Variants in GLRA2 observed in about 807,000 individuals in gnomAD.
GLRA2 encodes glycine receptor subunit alpha-2.
Under a neutral mutation model 31.6 loss-of-function variants are expected in GLRA2, and 11 were observed. The ratio of observed to expected loss-of-function variants is 0.35; its 90% CI spans 0.22 to 0.58. The LOEUF (loss-of-function observed/expected upper bound fraction) is 0.58. Among genes scored for constraint, GLRA2 ranks in the 20% least tolerant of loss-of-function variants. GLRA2 has a pLI of 0.84. For synonymous variants in GLRA2, 132 were observed against 134.0 expected (o/e 0.99, Z 0.10); for missense variants, 212 against 351.8 (o/e 0.60, Z 3.18).
chrX:14,611,478 T>C (rs1350898027), intron 7 of GLRA2, among the ~76,000 whole-genome samples: 2 of 113,152 alleles, frequency 1.8e-5, no homozygotes, highest in Admixed American at 9.3e-5. Flanking sequence ...ACACAGAAAA[T>C]TGAGGTCAAA....
rs772030005 is a variant in GLRA2 at position 14,610,916 on chromosome X, A to G, written c.930+1711A>G. Among the ~76,000 whole-genome samples the G allele has an allele frequency of 2.0e-4, 23 of 112,447 alleles. 1 individual carries two copies. Among genetic ancestry groups the G allele is most frequent in the Non-Finnish European group, 3.6e-4 (19 of 53,213 alleles). On this transcript the variant is annotated intron_variant, in intron 7 of 8. Coordinates refer to ENST00000218075, the MANE Select transcript of GLRA2 (RefSeq NM_002063.4). ...ATGTTCACTGATCAGGGATCTTTGT[A>G]TGTAAAGGCAATGAGGAACTCAGAT... is the stretch of plus-strand genomic sequence containing the variant.
chrX:14,497,545 T>G, the GLRA2 span, among the ~76,000 whole-genome samples: 1 of 110,883 alleles, frequency 9.0e-6, no homozygotes, highest in African/African-American at 3.3e-5. Context: ...AAACAATAGC[T>G]GAGTCACAAA....
At chrX:14,657,064 C>G (rs2090948514) in intron 7 of GLRA2, among the ~76,000 whole-genome samples, 1 of 111,813 alleles carries the variant, frequency 8.9e-6, no homozygotes, top group African/African-American at 3.2e-5. Flanking sequence ...GGGTCAGAAA[C>G]AAGCTAATGA....
In GLRA2 at chrX:14,607,207, G is replaced by A; in HGVS notation, c.654G>A (p.Leu218=). 8.4e-7 allele frequency: 1 copy of A among 1,187,710 alleles called. No individual in the cohort carries two copies. The highest frequency in any genetic ancestry group is 1.1e-6 in the Non-Finnish European group (1 of 874,847). ...TGCAAGTTGCTGAAGGATTGACCCT[G>A]CCCCAGTTTATTTTGAAAGAAGAGA... ...GPVQVAEGLT[L]PQFILKEEKE... is the part of the protein sequence containing the mutation. Residue 218 remains leucine, a synonymous_variant, in exon 6 of 9, where the codon CTG becomes CTA. Transcript: ENST00000218075.
chrX:14,673,776 G>A (rs752965937), intron 7 of GLRA2, among the ~76,000 whole-genome samples: 3 of 112,315 alleles, frequency 2.7e-5, no homozygotes, highest in African/African-American at 6.5e-5. Context: ...ACAAGTAGTC[G>A]AGGCACTAAT....
At chrX:14,645,630 C>A (rs888314660) in intron 7 of GLRA2, among the ~76,000 whole-genome samples, 1 of 111,919 alleles carries the variant, frequency 8.9e-6, no homozygotes, top group African/African-American at 3.3e-5. Context: ...TATCTCACCT[C>A]TTTGCAATTA....
intron 1 of GLRA2, 37 bp from the exon 2 acceptor site, chrX:14,532,202 A>C (rs768178099): frequency 3.8e-5 from 40 of 1,043,339 alleles, no homozygotes; most frequent in Non-Finnish European, 5.1e-5. Context: ...AGGGATGCAA[A>C]TGAAATTGTT....
At chrX:14,505,238 T>G in the GLRA2 span, among the ~76,000 whole-genome samples, 5 of 111,926 alleles carry the variant, frequency 4.5e-5, no homozygotes, top group Admixed American at 4.7e-4. Context: ...GTCAGAAATC[T>G]AAAGTGAGAC....
intron 2 of GLRA2, among the ~76,000 whole-genome samples, chrX:14,544,102 C>A (rs1304584226): frequency 1.8e-5 from 2 of 111,811 alleles, no homozygotes; most frequent in African/African-American, 6.5e-5. Flanking sequence ...TCATGGTCAA[C>A]ATTAGCATTA....
chrX:14,654,375 G>C (rs766354836), intron 7 of GLRA2, among the ~76,000 whole-genome samples: 6 of 111,872 alleles, frequency 5.4e-5, no homozygotes, highest in Non-Finnish European at 1.1e-4. Flanking sequence ...CTATGTTTTA[G>C]ACATAATGCT....
chrX:14,663,125 T>A (rs1362094702), intron 7 of GLRA2, among the ~76,000 whole-genome samples: 1 of 111,484 alleles, frequency 9.0e-6, no homozygotes, highest in Non-Finnish European at 1.9e-5. Context: ...TTTTCCTAAG[T>A]GCCTTAATGT....
At chrX:14,684,076 C>A (rs1393615740) in intron 7 of GLRA2, among the ~76,000 whole-genome samples, 3 of 110,964 alleles carry the variant, frequency 2.7e-5, no homozygotes, top group East Asian at 2.8e-4. Flanking sequence ...ATGGGGAATC[C>A]TTTCCCCTTT....
chrX:14,635,760 G>A (rs1040095526), intron 7 of GLRA2, among the ~76,000 whole-genome samples: 2 of 111,912 alleles, frequency 1.8e-5, no homozygotes, highest in African/African-American at 6.5e-5. Flanking sequence ...TGAATTTAAT[G>A]AGATCATGTG....
At chrX:14,724,462 C>T (rs2091903567) in intron 8 of GLRA2, among the ~76,000 whole-genome samples, 1 of 108,387 alleles carries the variant, frequency 9.2e-6, no homozygotes, top group Admixed American at 1.0e-4. Flanking sequence ...CCCGTCTCTA[C>T]TAAAAATACA....
the GLRA2 span, among the ~76,000 whole-genome samples, chrX:14,469,338 T>C: frequency 9.0e-6 from 1 of 111,326 alleles, no homozygotes; most frequent in Non-Finnish European, 1.9e-5. Context: ...GAATTAATTT[T>C]TGTATAAGGT....
intron 7 of GLRA2, among the ~76,000 whole-genome samples, chrX:14,642,356 G>C (rs913716429): frequency 8.9e-6 from 1 of 111,787 alleles, no homozygotes; most frequent in Admixed American, 9.5e-5. Flanking sequence ...TGTGCCAGTG[G>C]CATGTCAGAA....
chrX:14,669,031 A>G (rs1321942236), intron 7 of GLRA2, among the ~76,000 whole-genome samples: 4 of 112,536 alleles, frequency 3.6e-5, no homozygotes, highest in Admixed American at 9.4e-5. Flanking sequence ...TACTTCCTAG[A>G]TACAATCGGG....
At chrX:14,464,116 T>C in the GLRA2 span, among the ~76,000 whole-genome samples, 1 of 112,366 alleles carries the variant, frequency 8.9e-6, no homozygotes, top group African/African-American at 3.2e-5. Context: ...TTTGCAAATA[T>C]TTTCTCCAAT....
intron 8 of GLRA2, 51 bp downstream of exon 8, chrX:14,690,910 G>C (rs1392420841): frequency 1.0e-5 from 12 of 1,154,754 alleles, no homozygotes; most frequent in Non-Finnish European, 1.2e-5. Context: ...TGGTTAGCTA[G>C]GCAATGTAAT....
Sources: allele counts gnomAD v4.1 joint callset (sites outside exome capture counted in the v4.1 genomes callset), GRCh38; gene constraint gnomAD v4.1.1; transcripts MANE v1.5; gene names NCBI Gene and HGNC (gene_info 2026-07-23, HGNC 2026-07-21).